MTUS2: variants seen among roughly 807,000 people sequenced by gnomAD.
MTUS2 encodes microtubule-associated tumor suppressor candidate 2.
Under a neutral mutation model 114.1 loss-of-function variants are expected in MTUS2, and 40 were observed. The observed-to-expected ratio is 0.35, with a 90% CI of 0.27 to 0.46. The LOEUF (loss-of-function observed/expected upper bound fraction) is 0.46. MTUS2 is among the 20% of genes least tolerant of loss of function. MTUS2 has a pLI of 1.00. For synonymous variants in MTUS2, 688 were observed against 672.0 expected, an observed-to-expected ratio of 1.02 and a Z score of -0.37; for missense variants, 1,679 against 1,705.4, an observed-to-expected ratio of 0.98 and a Z score of 0.27.
chr13:29,040,284 C>G (rs753219479), intron 4 of MTUS2, among the ~76,000 whole-genome samples: 1 of 152,212 alleles, frequency 6.6e-6, no homozygotes, highest in Admixed American at 6.5e-5. Context: ...CAGGTTGCTG[C>G]GAATGCCATT....
intron 5 of MTUS2, among the ~76,000 whole-genome samples, chr13:29,166,503 T>A (rs1893323968): frequency 6.6e-6 from 1 of 152,220 alleles, no homozygotes; most frequent in South Asian, 2.1e-4. Flanking sequence ...CCATTATCTG[T>A]CTCTGCCTTT....
intron 2 of MTUS2, among the ~76,000 whole-genome samples, chr13:28,909,871 C>A (rs1880295891): frequency 6.6e-6 from 1 of 152,110 alleles, no homozygotes; most frequent in African/African-American, 2.4e-5. Flanking sequence ...CACAGCCGTT[C>A]TTCAGCAATT....
chr13:29,320,711 G>A (rs565094583), intron 6 of MTUS2, among the ~76,000 whole-genome samples: 3 of 152,344 alleles, frequency 2.0e-5, no homozygotes, highest in Admixed American at 6.5e-5. Flanking sequence ...AAGGCTTAAG[G>A]TCTTTCTGGC....
intron 5 of MTUS2, among the ~76,000 whole-genome samples, chr13:29,251,725 T>C (rs1335488396): frequency 1.3e-5 from 2 of 152,266 alleles, no homozygotes; most frequent in African/African-American, 4.8e-5. Context: ...CTGAGCATGG[T>C]ATCTTCAAGG....
intron 2 of MTUS2, among the ~76,000 whole-genome samples, chr13:29,008,079 A>G (rs1885677646): frequency 1.3e-5 from 2 of 152,090 alleles, no homozygotes; most frequent in Admixed American, 1.3e-4. Context: ...TGGTATTGCT[A>G]ATTGCTGCCC....
intron 5 of MTUS2, among the ~76,000 whole-genome samples, chr13:29,162,071 C>T (rs2139082308): frequency 6.6e-6 from 1 of 152,282 alleles, no homozygotes; most frequent in East Asian, 1.9e-4. Flanking sequence ...AATTTAGCAT[C>T]CCTCCAATCA....
intron 8 of MTUS2, among the ~76,000 whole-genome samples, chr13:29,362,746 G>A (rs976036373): frequency 8.5e-5 from 13 of 152,160 alleles, no homozygotes; most frequent in Admixed American, 5.2e-4. Context: ...TTCAGTTGCT[G>A]CTATATATTT....
intron 6 of MTUS2, among the ~76,000 whole-genome samples, chr13:29,308,792 A>G (rs960182502): frequency 6.6e-6 from 1 of 152,244 alleles, no homozygotes; most frequent in African/African-American, 2.4e-5. Context: ...ACATATGAAA[A>G]AAACCTCAAC....
intron 8 of MTUS2, among the ~76,000 whole-genome samples, chr13:29,392,146 C>CAAA (rs56797889): frequency 1.3e-4 from 18 of 137,164 alleles, no homozygotes; most frequent in African/African-American, 4.1e-4. Context: ...AAAAACAAAC[C>CAAA]AAAAAAAAAA....
chr13:29,038,693 A>G lies in MTUS2; in HGVS notation c.2446+4568A>G, dbSNP rs547163738. 5.3e-5 allele frequency among the ~76,000 whole-genome samples: 8 copies of G among 152,338 alleles called. No homozygotes were observed. In the East Asian group the frequency reaches 1.5e-3, roughly 29 times the overall value. On this transcript the variant is annotated intron_variant, in intron 4 of 15. Coordinates refer to ENST00000612955, the MANE Select transcript of MTUS2 (RefSeq NM_001033602.4). ...TCCCAGGGAGATGGGAGTTTTATCTATAAGCCCCTTACTGGGGCTGCTGCC... is the reference window on the plus strand; with the variant it reads ...TCCCAGGGAGATGGGAGTTTTATCTGTAAGCCCCTTACTGGGGCTGCTGCC...
At chr13:29,185,319 G>A (rs934144720) in intron 5 of MTUS2, among the ~76,000 whole-genome samples, 2 of 152,160 alleles carry the variant, frequency 1.3e-5, no homozygotes, top group Admixed American at 6.5e-5. Flanking sequence ...ATGCAAATGG[G>A]CGTCCCACAA....
intron 2 of MTUS2, among the ~76,000 whole-genome samples, chr13:28,914,867 T>G (rs904354351): frequency 8.6e-5 from 13 of 151,632 alleles, no homozygotes; most frequent in Non-Finnish European, 1.8e-4. Flanking sequence ...ATTTTTATTT[T>G]TTTAATCTTT....
chr13:29,221,613 T>C (rs1895911012), intron 5 of MTUS2, among the ~76,000 whole-genome samples: 1 of 152,172 alleles, frequency 6.6e-6, no homozygotes, highest in South Asian at 2.1e-4. Context: ...TCATGTGTTA[T>C]GGATAACAAA....
At chr13:29,325,494 GGA>G (rs1404027942) in intron 7 of MTUS2, among the ~76,000 whole-genome samples, 19 of 20,666 alleles carry the variant, frequency 9.2e-4, no homozygotes, top group Admixed American at 2.9e-3. Context: ...GGAAGAGGGA[GGA>G]GGAGGAGGAG....
chr13:28,840,745 T>C (rs1448894913), intron 2 of MTUS2, among the ~76,000 whole-genome samples: 1 of 152,196 alleles, frequency 6.6e-6, no homozygotes, highest in East Asian at 1.9e-4. Flanking sequence ...GAAGGGACAC[T>C]TTTTGTTAAG....
At chr13:29,201,996 C>T (rs565457177) in intron 5 of MTUS2, among the ~76,000 whole-genome samples, 1 of 152,252 alleles carries the variant, frequency 6.6e-6, no homozygotes, top group South Asian at 2.1e-4. Flanking sequence ...GGTTGCTCTT[C>T]TCGAGGAGTA....
At chr13:28,961,500 A>G (rs959689669) in intron 2 of MTUS2, among the ~76,000 whole-genome samples, 18 of 152,194 alleles carry the variant, frequency 1.2e-4, no homozygotes, top group African/African-American at 4.3e-4. Flanking sequence ...GTACTCCGTT[A>G]TAATTACTTC....
intron 3 of MTUS2, among the ~76,000 whole-genome samples, chr13:29,028,223 T>C (rs1488847134): frequency 6.6e-6 from 1 of 152,162 alleles, no homozygotes; most frequent in Non-Finnish European, 1.5e-5. Context: ...TGGTGGCATG[T>C]GCCTGTAGTC....
At chr13:28,977,015 G>T (rs2138278006) in intron 2 of MTUS2, among the ~76,000 whole-genome samples, 2 of 152,258 alleles carry the variant, frequency 1.3e-5, no homozygotes, top group South Asian at 4.2e-4. Context: ...CTTTGAGTTT[G>T]ATGCCATGGG....
Sources: allele counts gnomAD v4.1 joint callset (sites outside exome capture counted in the v4.1 genomes callset), GRCh38; gene constraint gnomAD v4.1.1; transcripts MANE v1.5; gene names NCBI Gene and HGNC (gene_info 2026-07-23, HGNC 2026-07-21).